Variants in CNTNAP5 observed in about 807,000 individuals in gnomAD.
The protein encoded by CNTNAP5 is contactin associated protein family member 5.
Under a neutral mutation model 150.2 loss-of-function variants are expected in CNTNAP5, and 72 were observed. The observed-to-expected ratio is 0.48, with a 90% CI of 0.40 to 0.58. The LOEUF (loss-of-function observed/expected upper bound fraction) is 0.58, where lower values mean the gene tolerates loss of function less well. CNTNAP5 is among the 20% of genes least tolerant of loss of function. The pLI is 0.00. For synonymous variants in CNTNAP5, 672 were observed against 619.8 expected, an observed-to-expected ratio of 1.08 and a Z score of -1.25; for missense variants, 1,636 against 1,626.2, an observed-to-expected ratio of 1.01 and a Z score of -0.10.
Position 124,836,401 on chromosome 2 carries a change from T to G in CNTNAP5, c.3218-28905T>G, listed in dbSNP as rs146753867. Among the ~76,000 whole-genome samples, 395 of 152,280 alleles carry G rather than the reference T, an allele frequency of 2.6e-3. 2 individuals carry two copies. Among genetic ancestry groups the G allele is most frequent in the African/African-American group, 8.1e-3 (336 of 41,566 alleles). On this transcript the variant is annotated intron_variant, in intron 19 of 23. Transcript: ENST00000682447. ...TGAAATTGTTCCTGCCACAGACAGC[T>G]TATCCTCTTACAGGCTTTCATTGTC...
chr2:124,287,385 G>A (rs906195002), intron 3 of CNTNAP5, among the ~76,000 whole-genome samples: 16 of 152,242 alleles, frequency 1.1e-4, no homozygotes, highest in East Asian at 3.9e-4. Flanking sequence ...GCTCTTTGGC[G>A]TTGGAAACTT....
At chr2:124,884,533 T>A (rs986221032) in intron 21 of CNTNAP5, among the ~76,000 whole-genome samples, 5 of 152,078 alleles carry the variant, frequency 3.3e-5, no homozygotes, top group African/African-American at 1.2e-4. Context: ...GTGTCTGGAA[T>A]GCATTGCCTT....
rs530072729 is a variant in CNTNAP5, at chr2:124,301,737, A to G, written c.381+59344A>G. Reference sequence around the variant, plus strand: ...TCCTGATGCAACAGCAACTGTTGCCATTTTGCCTCTGATCTCTTGGGTGAC... The same window carrying G: ...TCCTGATGCAACAGCAACTGTTGCCGTTTTGCCTCTGATCTCTTGGGTGAC... On this transcript the variant is annotated intron_variant, in intron 3 of 23. Coordinates refer to ENST00000682447, the MANE Select transcript of CNTNAP5 (RefSeq NM_001367498.1). Among the ~76,000 whole-genome samples, 38 of 152,188 alleles carry G rather than the reference A, an allele frequency of 2.5e-4. 1 individual carries two copies. Among genetic ancestry groups the G allele is most frequent in the South Asian group, 1.2e-3 (6 of 4,826 alleles).
At chr2:124,637,701 T>C (rs1678000576) in intron 12 of CNTNAP5, among the ~76,000 whole-genome samples, 1 of 152,160 alleles carries the variant, frequency 6.6e-6, no homozygotes, top group Non-Finnish European at 1.5e-5. Flanking sequence ...ATTCTACAAT[T>C]TCCTTTCATA....
chr2:124,200,908 G>A (rs1444666572), intron 1 of CNTNAP5, among the ~76,000 whole-genome samples: 1 of 152,100 alleles, frequency 6.6e-6, no homozygotes, highest in Admixed American at 6.5e-5. Flanking sequence ...GTCTTCTGTA[G>A]CAGAGCCATC....
At chr2:124,156,854 T>G (rs1919835) in intron 1 of CNTNAP5, among the ~76,000 whole-genome samples, 147,439 of 152,208 alleles carry the variant, frequency 0.97, 71,586 homozygotes, top group East Asian at 1. Context: ...GCTCCACCAA[T>G]CACCAAGTAG....
At chr2:124,312,862 G>T (rs1242791582) in intron 3 of CNTNAP5, among the ~76,000 whole-genome samples, 1 of 152,152 alleles carries the variant, frequency 6.6e-6, no homozygotes, top group African/African-American at 2.4e-5. Flanking sequence ...GAGCCACCAG[G>T]CTCGGCCAAT....
At chr2:124,570,210 T>C (rs549239106) in intron 11 of CNTNAP5, among the ~76,000 whole-genome samples, 127 of 152,328 alleles carry the variant, frequency 8.3e-4, no homozygotes, top group African/African-American at 3.0e-3. Context: ...ATGAGGCATG[T>C]GCACATAACA....
At chr2:124,094,266 C>G (rs902097279) in intron 1 of CNTNAP5, among the ~76,000 whole-genome samples, 18 of 152,174 alleles carry the variant, frequency 1.2e-4, no homozygotes, top group African/African-American at 4.1e-4. Context: ...ATAGGAGGAA[C>G]TTTGAAATCT....
chr2:124,805,218 C>A (rs1682056571), intron 19 of CNTNAP5, among the ~76,000 whole-genome samples: 1 of 152,150 alleles, frequency 6.6e-6, no homozygotes, highest in African/African-American at 2.4e-5. Context: ...TATACACAAG[C>A]ATGAAAACGA....
chr2:124,629,778 T>G (rs990593576), intron 12 of CNTNAP5, among the ~76,000 whole-genome samples: 14 of 149,556 alleles, frequency 9.4e-5, no homozygotes, highest in African/African-American at 3.4e-4. Context: ...GAGCTGTTTT[T>G]TTTTTTTTTT....
intron 13 of CNTNAP5, among the ~76,000 whole-genome samples, chr2:124,657,181 G>A (rs1281207339): frequency 6.6e-6 from 1 of 152,220 alleles, no homozygotes; most frequent in Non-Finnish European, 1.5e-5. Context: ...TAGCTTGGGG[G>A]CACACCTACT....
rs578181384 is a variant in CNTNAP5 at position 124,694,676 on chromosome 2, G to A, written c.2077+46718G>A. Among the ~76,000 whole-genome samples the A allele has an allele frequency of 4.6e-5, 7 of 152,236 alleles. No homozygotes were observed. In the South Asian group the frequency reaches 1.5e-3, roughly 32 times the overall value. ...CTTATTATAAATTTACTGGCATAGAGGATGCAGAGCAATTTACAAATAATA... is the reference window on the plus strand; with the variant it reads ...CTTATTATAAATTTACTGGCATAGAAGATGCAGAGCAATTTACAAATAATA... On this transcript the variant is annotated intron_variant, in intron 13 of 23. Coordinates refer to ENST00000682447, the MANE Select transcript of CNTNAP5 (RefSeq NM_001367498.1).
At chr2:124,266,461 A>T (rs1687610064) in intron 3 of CNTNAP5, among the ~76,000 whole-genome samples, 1 of 152,104 alleles carries the variant, frequency 6.6e-6, no homozygotes. Context: ...TCGCCTTCCA[A>T]AAAAAAGCTG....
chr2:124,277,040 C>T (rs9646914), intron 3 of CNTNAP5, among the ~76,000 whole-genome samples: 45,063 of 151,954 alleles, frequency 0.3, 7,232 homozygotes, highest in Admixed American at 0.38. Flanking sequence ...CCTTGACAGG[C>T]CTCTCCAGCC....
chr2:124,193,750 T>A (rs964137288), intron 1 of CNTNAP5, among the ~76,000 whole-genome samples: 3 of 152,338 alleles, frequency 2.0e-5, no homozygotes, highest in African/African-American at 2.4e-5. Flanking sequence ...TGTGAAGCAT[T>A]TATTTTTAAG....
chr2:124,112,709 T>A (rs1683327941), intron 1 of CNTNAP5, among the ~76,000 whole-genome samples: 1 of 151,470 alleles, frequency 6.6e-6, no homozygotes, highest in Admixed American at 6.6e-5. Flanking sequence ...CATTATCACC[T>A]CCCTCCTCCC....
chr2:124,446,900 C>A lies in CNTNAP5; in HGVS notation c.881C>A (p.Thr294Asn), dbSNP rs746006997. The part of the protein sequence containing the change: ...TVDKHTQHFR[T>N]KGETDALDID... ...GACAAGCACACACAGCACTTCCGCA[C>A]CAAGGGCGAGACGGATGCCTTAGAC... The change falls in exon 6 of 24, where the codon ACC becomes AAC. Residue 294 changes from threonine (T) to asparagine (N), a missense_variant. Coordinates refer to ENST00000682447, the MANE Select transcript of CNTNAP5 (RefSeq NM_001367498.1). 4 of 1,613,816 alleles carry A rather than the reference C, an allele frequency of 2.5e-6. No homozygotes were observed. Among genetic ancestry groups the A allele is most frequent in the Non-Finnish European group, 2.5e-6 (3 of 1,179,806 alleles).
chr2:124,799,421 C>T (rs954679505), intron 19 of CNTNAP5, among the ~76,000 whole-genome samples: 3 of 152,194 alleles, frequency 2.0e-5, no homozygotes, highest in African/African-American at 7.2e-5. Flanking sequence ...TGGGGTAGAA[C>T]ATACAACAGT....
Sources: allele counts gnomAD v4.1 joint callset (sites outside exome capture counted in the v4.1 genomes callset), GRCh38; gene constraint gnomAD v4.1.1; transcripts MANE v1.5; gene names NCBI Gene and HGNC (gene_info 2026-07-23, HGNC 2026-07-21).